The following CYTH4 variants were observed in gnomAD, a reference collection of about 807,000 sequenced individuals.
CYTH4 encodes cytohesin 4.
A neutral mutation model predicts 57.5 loss-of-function variants in CYTH4; 22 were observed. That is an observed-to-expected ratio of 0.38 (90% confidence interval 0.27 to 0.55). The LOEUF (loss-of-function observed/expected upper bound fraction) is 0.55, where lower values mean the gene tolerates loss of function less well. CYTH4 is among the 20% of genes least tolerant of loss of function. The pLI, the probability that CYTH4 is intolerant of heterozygous loss-of-function variation, is 0.74. For synonymous variants in CYTH4, 186 were observed against 206.5 expected (o/e 0.90, Z 0.85); for missense variants, 420 against 535.6 (o/e 0.78, Z 2.13).
At chr22:37,294,905 G>A (rs1214510779) in intron 3 of CYTH4, among the ~76,000 whole-genome samples, 181 bp downstream of exon 3, 2 of 152,152 alleles carry the variant, frequency 1.3e-5, no homozygotes, top group Non-Finnish European at 2.9e-5. Flanking sequence ...TCCCGGGTCT[G>A]GTCCCTGCTC....
At chr22:37,308,527 T>C (rs1311682787) in intron 8 of CYTH4, among the ~76,000 whole-genome samples, 2 of 150,998 alleles carry the variant, frequency 1.3e-5, no homozygotes, top group African/African-American at 4.9e-5. Context: ...TGTATATGTG[T>C]CTGTGAGTGT....
intron 9 of CYTH4, 110 bp downstream of exon 9, chr22:37,309,433 A>G: frequency 1.1e-6 from 1 of 950,938 alleles, no homozygotes; most frequent in East Asian, 2.5e-5. Flanking sequence ...CACGAGGCTC[A>G]CATGCATCCT....
intron 8 of CYTH4, among the ~76,000 whole-genome samples, chr22:37,308,994 G>A (rs1346025157): frequency 6.6e-6 from 1 of 152,122 alleles, no homozygotes; most frequent in Admixed American, 6.5e-5. Flanking sequence ...GGGTGGCGGG[G>A]TGGCGGGGTG....
intron 8 of CYTH4, among the ~76,000 whole-genome samples, chr22:37,306,288 T>C (rs913991192): frequency 2.0e-5 from 3 of 152,120 alleles, no homozygotes; most frequent in Non-Finnish European, 4.4e-5. Context: ...AGAGTAACAG[T>C]CTCCCAGTTC....
chr22:37,301,416 G>A (rs1309822613), intron 7 of CYTH4, among the ~76,000 whole-genome samples: 1 of 152,092 alleles, frequency 6.6e-6, no homozygotes, highest in African/African-American at 2.4e-5. Context: ...GTTTCAGTTG[G>A]AACAAAGGCC....
At chr22:37,287,241 GC>G (rs2059450842) in intron 1 of CYTH4, among the ~76,000 whole-genome samples, 1 of 152,120 alleles carries the variant, frequency 6.6e-6, no homozygotes, top group Non-Finnish European at 1.5e-5. Context: ...GGAGCCAGGA[GC>G]TGATGAAGCC....
chr22:37,311,399 C>A lies in CYTH4; in HGVS notation c.886-57C>A, dbSNP rs1430326608. ...GGGAACCCCACACGTTCACACCCTG[C>A]CTTGGGCCTCAGGGTTCCGCTTCCT... On this transcript the variant is annotated intron_variant, in intron 10 of 12. Coordinates refer to ENST00000248901, the MANE Select transcript of CYTH4 (RefSeq NM_013385.5). This position sits in a 1 kb window ranked among gnomAD's most constrained non-coding sequence, Gnocchi z 4.4. The A allele has an allele frequency of 1.4e-6, 2 of 1,475,462 alleles. No individual in the cohort carries two copies. The highest frequency in any genetic ancestry group is 2.8e-5 in the African/African-American group (2 of 72,070). The allele number at this position is 1,475,462 out of a possible 1,614,324, so 91.4% of individuals were successfully genotyped here.
chr22:37,285,730 C>CA (rs1469358977), intron 1 of CYTH4, among the ~76,000 whole-genome samples: 3 of 151,888 alleles, frequency 2.0e-5, no homozygotes, highest in South Asian at 2.1e-4. Flanking sequence ...AACAAACAAA[C>CA]AAAAAAACAT....
rs1470119815 is a variant in CYTH4 at position 37,294,739 on chromosome 22, T to C, written c.167+15T>C. 4 of 1,613,698 alleles carry C rather than the reference T, an allele frequency of 2.5e-6. No individual in the cohort carries two copies. Among genetic ancestry groups the C allele is most frequent in the Non-Finnish European group, 3.4e-6 (4 of 1,179,704 alleles). On this transcript the variant is annotated intron_variant, in intron 3 of 12. Transcript: ENST00000248901. Reference sequence around the variant, plus strand: ...GCGGAGGAGAGGTGAGGGGCTTGGGTGGGGACCCCCAGAAACTGCCATGGT... The same window carrying C: ...GCGGAGGAGAGGTGAGGGGCTTGGGCGGGGACCCCCAGAAACTGCCATGGT...
chr22:37,286,845 A>T (rs1006131326), intron 1 of CYTH4, among the ~76,000 whole-genome samples: 12 of 152,140 alleles, frequency 7.9e-5, no homozygotes, highest in African/African-American at 2.9e-4. Flanking sequence ...GGACAATGGG[A>T]TGCCATGGGA....
At position 37,298,605 on chromosome 22, in the gene CYTH4, C is replaced by T. The variant is rs1053143950; in HGVS notation, c.354-621C>T. ...TCAGAAACAGGCTCAAGAATCTAGA[C>T]TGGACGGGAGGAGAGAGGAAGGATA... On this transcript the variant is annotated intron_variant, in intron 5 of 12. Transcript: ENST00000248901. The surrounding 1 kb of genome is among the most constrained non-coding windows in gnomAD (Gnocchi z 4.1). 3.3e-5 allele frequency among the ~76,000 whole-genome samples: 5 copies of T among 151,928 alleles called. 1 individual carries two copies. In the South Asian group the frequency reaches 6.2e-4, roughly 19 times the overall value.
In CYTH4 at chr22:37,282,526, C is replaced by A. The variant is rs750364816; in HGVS notation, c.-44C>A. The A allele has an allele frequency of 1.2e-6, 2 of 1,612,794 alleles. No individual in the cohort carries two copies. The highest frequency in any genetic ancestry group is 1.1e-5 in the South Asian group (1 of 90,952). On this transcript the variant is annotated 5_prime_UTR_variant, in exon 1 of 13. Transcript: ENST00000248901. ...CCAGCCCGAACAGCAGCTGGGTCGGCAAGCGACAGGAGCACGGGTCATCTT... is the reference window on the plus strand; with the variant it reads ...CCAGCCCGAACAGCAGCTGGGTCGGAAAGCGACAGGAGCACGGGTCATCTT...
At chr22:37,299,400 A>C in intron 6 of CYTH4, 94 bp downstream of exon 6, 10 of 1,086,692 alleles carry the variant, frequency 9.2e-6, no homozygotes, top group Non-Finnish European at 1.1e-5. Context: ...AGCACAAACA[A>C]AGGGTTGGGA....
chr22:37,288,442 C>T (rs954336720), intron 1 of CYTH4, among the ~76,000 whole-genome samples: 14 of 151,878 alleles, frequency 9.2e-5, no homozygotes, highest in African/African-American at 3.1e-4. Flanking sequence ...AAAAATTAGC[C>T]GGGCATGGTG....
At chr22:37,301,574 C>G (rs1018967575) in intron 7 of CYTH4, among the ~76,000 whole-genome samples, 1 of 151,800 alleles carries the variant, frequency 6.6e-6, no homozygotes, top group African/African-American at 2.4e-5. Flanking sequence ...GGCGAGGGAC[C>G]ATCCTGGCCT....
rs765833758 is a variant in CYTH4 at position 37,301,022 on chromosome 22, G to A, written c.547+3G>A. The A allele has an allele frequency of 1.2e-6, 2 of 1,613,028 alleles. No individual in the cohort carries two copies. The highest frequency in any genetic ancestry group is 2.2e-5 in the South Asian group (2 of 90,982). Reference sequence around the variant, plus strand: ...CCCAGGCGTCTTCCAGTCCACAGGTGCCAGGAGGGGAGTGGGACCCAGGGC... The same window carrying A: ...CCCAGGCGTCTTCCAGTCCACAGGTACCAGGAGGGGAGTGGGACCCAGGGC... On this transcript the variant is annotated splice_donor_region_variant and intron_variant, in intron 7 of 12. Transcript: ENST00000248901.
chr22:37,289,255 G>A (rs1928661308), intron 1 of CYTH4, among the ~76,000 whole-genome samples: 1 of 152,134 alleles, frequency 6.6e-6, no homozygotes, highest in Non-Finnish European at 1.5e-5. Context: ...TCTTGCCTCT[G>A]ACCAAGAAGT....
At chr22:37,308,463 A>T (rs888278531) in intron 8 of CYTH4, among the ~76,000 whole-genome samples, 10 of 129,224 alleles carry the variant, frequency 7.7e-5, no homozygotes, top group African/African-American at 3.5e-4. Context: ...CATGTATATA[A>T]GTGTGTGTGT....
At position 37,313,905 on chromosome 22, in the gene CYTH4, G is replaced by A. The variant is rs180977527; in HGVS notation, c.*394G>A. On this transcript the variant is annotated 3_prime_UTR_variant, in exon 13 of 13. Transcript: ENST00000248901. Reference sequence around the variant, plus strand: ...GTCAGCCCTCAACGTAGGAGGGGCCGTGGGGTCCCTAAGTGATTCTTCTCC... The same window carrying A: ...GTCAGCCCTCAACGTAGGAGGGGCCATGGGGTCCCTAAGTGATTCTTCTCC... 4 of 256,744 alleles carry A rather than the reference G, an allele frequency of 1.6e-5. No individual in the cohort carries two copies. The highest frequency in any genetic ancestry group is 1.5e-4 in the Admixed American group (3 of 20,246). The allele number at this position is 256,744 out of a possible 1,614,324, so 15.9% of individuals were successfully genotyped here. A position where few individuals can be genotyped will look rare whatever the true frequency, so the allele number is the denominator to read the frequency against.
Sources: gnomAD v4.1 joint callset for allele counts (sites outside exome capture counted in the v4.1 genomes callset) on GRCh38, gnomAD v4.1.1 for gene constraint, Gnocchi (gnomAD v3.1) non-coding constraint, MANE v1.5 for transcripts, NCBI Gene and HGNC (gene_info 2026-07-23, HGNC 2026-07-21) for gene names.